FAM120A: variants seen among roughly 807,000 people sequenced by gnomAD.
The protein encoded by FAM120A is constitutive coactivator of PPAR-gamma-like protein 1.
In FAM120A, 15 loss-of-function variants were observed where a neutral mutation model predicts 109.7. The ratio of observed to expected loss-of-function variants is 0.14; its 90% CI spans 0.09 to 0.21. FAM120A has a LOEUF of 0.21. FAM120A is among the 10% of genes least tolerant of loss of function. The pLI is 1.00. For missense variants in FAM120A, 899 were observed against 1,439.3 expected (o/e 0.62, Z 6.07); for synonymous variants, 493 against 572.8 (o/e 0.86, Z 1.99).
At position 93,457,954 on chromosome 9, in the gene FAM120A, C is replaced by T. The variant is rs953996438; in HGVS notation, c.474+5565C>T. On this transcript the variant is annotated intron_variant, in intron 1 of 17. Transcript: ENST00000277165. Reference sequence around the variant, plus strand: ...TCCTTAAATGCCACAATCCTCTTGGCCACTTCCATAGTATATTCTTCATTA... The same window carrying T: ...TCCTTAAATGCCACAATCCTCTTGGTCACTTCCATAGTATATTCTTCATTA... 4.6e-5 allele frequency among the ~76,000 whole-genome samples: 7 copies of T among 152,262 alleles called. No homozygotes were observed. In the East Asian group the frequency reaches 1.4e-3, roughly 29 times the overall value.
At chr9:93,554,676 GA>G (rs995998762) in intron 12 of FAM120A, among the ~76,000 whole-genome samples, 4 of 148,174 alleles carry the variant, frequency 2.7e-5, no homozygotes, top group African/African-American at 7.4e-5. Context: ...CTGTTTCAAA[GA>G]AAAAAAAAAG....
chr9:93,502,012 A>G (rs1333682900), intron 5 of FAM120A, among the ~76,000 whole-genome samples: 1 of 152,186 alleles, frequency 6.6e-6, no homozygotes, highest in African/African-American at 2.4e-5. Flanking sequence ...TCAAGTTAGA[A>G]CCCATGATGT....
chr9:93,478,840 T>C (rs1216405118), intron 3 of FAM120A, among the ~76,000 whole-genome samples: 1 of 152,172 alleles, frequency 6.6e-6, no homozygotes, highest in African/African-American at 2.4e-5. Flanking sequence ...GATTTTAATA[T>C]ACATAGGGGA....
chr9:93,532,942 T>C lies in FAM120A; in HGVS notation c.1909+613T>C, dbSNP rs1300444472. Among the ~76,000 whole-genome samples, 1 of 152,216 alleles carries C rather than the reference T, an allele frequency of 6.6e-6. No homozygotes were observed. Among genetic ancestry groups the C allele is most frequent in the Non-Finnish European group, 1.5e-5 (1 of 68,040 alleles). ...CACTGAAAAGGATTGTTTGAAAAGT[T>C]GGTCAAAGATGAGGTCAAAGCATTT... On this transcript the variant is annotated intron_variant, in intron 10 of 17. Transcript: ENST00000277165. This position sits in a 1 kb window ranked among gnomAD's most constrained non-coding sequence, Gnocchi z 4.3.
intron 3 of FAM120A, among the ~76,000 whole-genome samples, chr9:93,483,101 G>C (rs1194849363): frequency 6.6e-6 from 1 of 152,136 alleles, no homozygotes; most frequent in Non-Finnish European, 1.5e-5. Flanking sequence ...TAAATAAATA[G>C]AAAGATGAAC....
chr9:93,525,693 G>A (rs1377760205), intron 7 of FAM120A, among the ~76,000 whole-genome samples: 1 of 152,118 alleles, frequency 6.6e-6, no homozygotes, highest in African/African-American at 2.4e-5. Flanking sequence ...CTCACAATGC[G>A]CCCTCAGTGG....
intron 7 of FAM120A, among the ~76,000 whole-genome samples, chr9:93,525,246 G>A (rs1053545499): frequency 2.0e-5 from 3 of 152,128 alleles, no homozygotes; most frequent in Non-Finnish European, 4.4e-5. Context: ...TGCAAGTGTA[G>A]GGTCTGTGTG....
rs776255744 is a variant in FAM120A, at chr9:93,558,638, C to T, written c.2726C>T (p.Ala909Val). ...ACGGTAGCAACAGGCCCTTACCGTGCCTTCCGTGTGGCGGCAGCATCGGGA... is the reference window on the plus strand; with the variant it reads ...ACGGTAGCAACAGGCCCTTACCGTGTCTTCCGTGTGGCGGCAGCATCGGGA... The part of the protein sequence containing the change: ...GETVATGPYR[A>V]FRVAAASGHC... Residue 909 changes from alanine to valine, a missense_variant, in exon 15 of 18, where the codon GCC (alanine) becomes GTC (valine). By Grantham distance (64) the Ala-to-Val change is moderately conservative. This residue lies in a region of FAM120A where 129 missense variants were observed against 153.4 expected (regional missense o/e 0.84). Transcript: ENST00000277165. 1.3e-5 allele frequency: 21 copies of T among 1,614,100 alleles called. No homozygotes were observed. The South Asian group carries it at 2.3e-4, about 18-fold the overall frequency.
chr9:93,507,372 GAGATAA>G (rs1422468149), intron 5 of FAM120A, among the ~76,000 whole-genome samples: 1 of 152,206 alleles, frequency 6.6e-6, no homozygotes, highest in Admixed American at 6.5e-5. Context: ...TGCCATTAAT[GAGATAA>G]AGATGGTTGG....
chr9:93,553,542 A>G (rs1862178191), intron 12 of FAM120A, among the ~76,000 whole-genome samples: 1 of 152,228 alleles, frequency 6.6e-6, no homozygotes, highest in South Asian at 2.1e-4. Flanking sequence ...AATCGGTCAG[A>G]GAGATTAACT....
rs1231456470 is a variant in FAM120A, at chr9:93,452,583, C to T, written c.474+194C>T. 6.3e-7 allele frequency: 1 copy of T among 1,596,878 alleles called. No homozygotes were observed. Among genetic ancestry groups the T allele is most frequent in the Non-Finnish European group, 8.5e-7 (1 of 1,178,666 alleles). On this transcript the variant is annotated intron_variant, in intron 1 of 17. Coordinates refer to ENST00000277165, the MANE Select transcript of FAM120A (RefSeq NM_014612.5). The surrounding 1 kb of genome is among the most constrained non-coding windows in gnomAD (Gnocchi z 7.0). ...GGGTGCAGGCCGCGCGCTGCCCAAG[C>T]CCGTCTCCAGCTGTCCCTGTTCGGG...
chr9:93,547,819 T>C (rs1289742474), intron 11 of FAM120A, among the ~76,000 whole-genome samples: 1 of 152,236 alleles, frequency 6.6e-6, no homozygotes, highest in Non-Finnish European at 1.5e-5. Context: ...CGCTCTTATC[T>C]TGACTCTTAA....
chr9:93,457,802 CTTT>C (rs34188475), intron 1 of FAM120A, among the ~76,000 whole-genome samples: 3 of 146,030 alleles, frequency 2.1e-5, no homozygotes, highest in African/African-American at 2.5e-5. Flanking sequence ...AAATCTCTTC[CTTT>C]TTTTTTTTTT....
At chr9:93,472,283 A>G (rs1051017598) in intron 2 of FAM120A, among the ~76,000 whole-genome samples, 16 of 152,132 alleles carry the variant, frequency 1.1e-4, no homozygotes, top group African/African-American at 3.6e-4. Context: ...ATTCCCAAGA[A>G]GTAATATATT....
intron 5 of FAM120A, among the ~76,000 whole-genome samples, chr9:93,504,055 A>G (rs902235479): frequency 6.6e-6 from 1 of 152,154 alleles, no homozygotes; most frequent in African/African-American, 2.4e-5. Context: ...CTACGATTAA[A>G]ATGGCTGGTT....
At chr9:93,560,954 A>G (rs948820232) in intron 15 of FAM120A, among the ~76,000 whole-genome samples, 155 bp from the exon 16 acceptor site, 1 of 152,270 alleles carries the variant, frequency 6.6e-6, no homozygotes, top group African/African-American at 2.4e-5. Context: ...GTGCACATAG[A>G]TACACTACAT....
intron 10 of FAM120A, 29 bp from the exon 11 acceptor site, chr9:93,543,193 G>A (rs775476365): frequency 3.1e-6 from 5 of 1,608,234 alleles, no homozygotes; most frequent in East Asian, 2.2e-5. Context: ...ATGCATGAAT[G>A]TGTCTTCTCT....
Position 93,564,386 on chromosome 9 carries a change from C to A in FAM120A, c.3203C>A (p.Thr1068Lys), listed in dbSNP as rs373654143. Residue 1068 changes from threonine to lysine, a missense_variant, in exon 18 of 18, where the codon ACG (threonine) becomes AAG (lysine). Thr to Lys is a moderately conservative substitution (Grantham distance 78). This residue lies in a region of FAM120A where 170 missense variants were observed against 205.0 expected (regional missense o/e 0.83). Coordinates refer to ENST00000277165, the MANE Select transcript of FAM120A (RefSeq NM_014612.5). ...EKPAPQMNGS[T>K]GDARAPSHSE... Reference sequence around the variant, plus strand: ...CCGGCTCCCCAGATGAACGGGAGCACGGGTGACGCCAGGGCCCCCAGCCAC... The same window carrying A: ...CCGGCTCCCCAGATGAACGGGAGCAAGGGTGACGCCAGGGCCCCCAGCCAC... The A allele has an allele frequency of 1.9e-6, 3 of 1,612,288 alleles. No individual in the cohort carries two copies. The highest frequency in any genetic ancestry group is 4.5e-5 in the East Asian group (2 of 44,880).
intron 5 of FAM120A, among the ~76,000 whole-genome samples, chr9:93,515,020 A>G (rs898647285): frequency 5.3e-5 from 8 of 152,078 alleles, no homozygotes; most frequent in African/African-American, 1.9e-4. Flanking sequence ...TGACTAGCAC[A>G]TGGCAGCACA....
Sources: gnomAD v4.1 joint callset for allele counts (sites outside exome capture counted in the v4.1 genomes callset) on GRCh38, gnomAD v4.1.1 for gene constraint, gnomAD v4.1.1 regional missense constraint, Gnocchi (gnomAD v3.1) non-coding constraint, MANE v1.5 for transcripts, NCBI Gene and HGNC (gene_info 2026-07-23, HGNC 2026-07-21) for gene names.